The following SUPT3H variants were observed in gnomAD, a reference collection of about 807,000 sequenced individuals.
The protein encoded by SUPT3H is transcription initiation protein SPT3 homolog.
Under a neutral mutation model 44.3 loss-of-function variants are expected in SUPT3H, and 44 were observed. The observed-to-expected ratio is 0.99, with a 90% CI of 0.78 to 1.28. SUPT3H has a LOEUF of 1.28. SUPT3H is among the 50% of genes most tolerant of loss of function. The probability of loss-of-function intolerance (pLI) is 0.00; values close to 1 mark genes in which losing one functional copy is unlikely to be tolerated. For missense variants in SUPT3H, 380 were observed against 387.1 expected (o/e 0.98, Z 0.15); for synonymous variants, 124 against 125.6 (o/e 0.99, Z 0.09).
chr6:45,063,676 A>ACCAAT (rs1792640387), intron 3 of SUPT3H, among the ~76,000 whole-genome samples: 1 of 25,030 alleles, frequency 4.0e-5, no homozygotes, highest in Non-Finnish European at 7.6e-5. Context: ...AAGCCTCAGG[A>ACCAAT]GCTGATGTGA....
chr6:45,377,285 C>G (rs1041113631), intron 1 of SUPT3H: 5 of 152,176 alleles, frequency 3.3e-5, no homozygotes, highest in African/African-American at 1.2e-4. Flanking sequence ...AAATAATTTC[C>G]CCAGGGGTCA....
At chr6:44,860,297 C>G (rs1289505459) in intron 10 of SUPT3H, among the ~76,000 whole-genome samples, 1 of 152,208 alleles carries the variant, frequency 6.6e-6, no homozygotes. Flanking sequence ...TATTCACAAT[C>G]AACTGCTTCA....
At chr6:45,016,887 T>G (rs1270483694) in intron 4 of SUPT3H, among the ~76,000 whole-genome samples, 1 of 151,818 alleles carries the variant, frequency 6.6e-6, no homozygotes, top group African/African-American at 2.4e-5. Context: ...TCAAATGGTA[T>G]TTCTAGTTCT....
intron 9 of SUPT3H, among the ~76,000 whole-genome samples, chr6:44,935,497 C>A (rs188368109): frequency 2.0e-3 from 310 of 152,228 alleles, no homozygotes; most frequent in African/African-American, 6.7e-3. Context: ...AAATATTTGA[C>A]AAAATACTGA....
chr6:45,168,528 A>AC (rs1810280570), intron 2 of SUPT3H, among the ~76,000 whole-genome samples: 1 of 152,188 alleles, frequency 6.6e-6, no homozygotes, highest in Non-Finnish European at 1.5e-5. Flanking sequence ...TACATCCTTA[A>AC]CCCTGGCAAA....
At chr6:44,979,743 C>A (rs551951934) in intron 6 of SUPT3H, among the ~76,000 whole-genome samples, 82 of 152,174 alleles carry the variant, frequency 5.4e-4, no homozygotes, top group African/African-American at 1.8e-3. Context: ...TATGAACTTA[C>A]GAGTTCATTT....
intron 2 of SUPT3H, among the ~76,000 whole-genome samples, chr6:45,204,687 G>A (rs1333537702): frequency 6.6e-6 from 1 of 152,130 alleles, no homozygotes; most frequent in Non-Finnish European, 1.5e-5. Context: ...AAATCTTGAT[G>A]CAGTCCTTCC....
intron 2 of SUPT3H, among the ~76,000 whole-genome samples, chr6:45,262,466 G>T (rs1364687916): frequency 6.6e-6 from 1 of 152,072 alleles, no homozygotes; most frequent in African/African-American, 2.4e-5. Flanking sequence ...ATATGCAGAA[G>T]ATTGAACCTG....
rs79516230 is a variant in SUPT3H, at chr6:44,964,143, A to T, written c.505-2315T>A. ...CTATAGCAGGAACTACTCACGTTTG[A>T]ATTTCTAGCTCCTAGGAAAATATCT... is the stretch of plus-strand genomic sequence containing the variant. On this transcript the variant is annotated intron_variant, in intron 6 of 10. Coordinates refer to ENST00000371459, the MANE Select transcript of SUPT3H (RefSeq NM_003599.4). Among the ~76,000 whole-genome samples, 826 of 152,214 alleles carry T rather than the reference A, an allele frequency of 5.4e-3. 12 individuals carry two copies. Among genetic ancestry groups the T allele is most frequent in the African/African-American group, 0.019 (797 of 41,546 alleles).
At chr6:45,214,354 G>A (rs969764583) in intron 2 of SUPT3H, among the ~76,000 whole-genome samples, 1 of 151,944 alleles carries the variant, frequency 6.6e-6, no homozygotes, top group Non-Finnish European at 1.5e-5. Flanking sequence ...ACTAATGATA[G>A]TAAAAGCTGG....
intron 2 of SUPT3H, among the ~76,000 whole-genome samples, chr6:45,325,029 C>T (rs1786136657): frequency 6.6e-6 from 1 of 151,212 alleles, no homozygotes; most frequent in Admixed American, 6.6e-5. Context: ...AGCTATACAT[C>T]AAATCCAAAA....
intron 2 of SUPT3H, among the ~76,000 whole-genome samples, chr6:45,248,049 A>G (rs1771683847): frequency 6.6e-6 from 1 of 152,168 alleles, no homozygotes; most frequent in Non-Finnish European, 1.5e-5. Flanking sequence ...ATTGACCCAT[A>G]CTTTACAACT....
intron 2 of SUPT3H, among the ~76,000 whole-genome samples, chr6:45,232,708 C>G (rs920977721): frequency 6.6e-6 from 1 of 152,116 alleles, no homozygotes; most frequent in Non-Finnish European, 1.5e-5. Flanking sequence ...CGGTCACCAG[C>G]CAGAGTCCCA....
intron 2 of SUPT3H, among the ~76,000 whole-genome samples, chr6:45,204,916 A>C (rs974839070): frequency 2.6e-5 from 4 of 152,138 alleles, no homozygotes; most frequent in Non-Finnish European, 4.4e-5. Flanking sequence ...GACCCTTCTT[A>C]TTCCTGAAAT....
intron 2 of SUPT3H, among the ~76,000 whole-genome samples, chr6:45,259,528 ATATC>A (rs1562812113): frequency 6.6e-6 from 1 of 152,108 alleles, no homozygotes; most frequent in African/African-American, 2.4e-5. Flanking sequence ...GGTTTACTCT[ATATC>A]TATTTTTGAC....
intron 2 of SUPT3H, among the ~76,000 whole-genome samples, chr6:45,188,135 G>A (rs1478431875): frequency 1.3e-5 from 2 of 152,192 alleles, no homozygotes; most frequent in Non-Finnish European, 1.5e-5. Flanking sequence ...CACAGCGGTT[G>A]TGTTTAAGTC....
chr6:44,944,675 T>C (rs1184785752), intron 9 of SUPT3H, among the ~76,000 whole-genome samples: 1 of 142,276 alleles, frequency 7.0e-6, no homozygotes, highest in Non-Finnish European at 1.5e-5. Flanking sequence ...GGTGGGAGGA[T>C]TGCTTGAGCC....
intron 10 of SUPT3H, among the ~76,000 whole-genome samples, chr6:44,911,017 AAAAGT>A (rs1180765658): frequency 1.3e-5 from 2 of 150,446 alleles, no homozygotes; most frequent in Non-Finnish European, 3.0e-5. Flanking sequence ...AAAAAAAAAA[AAAAGT>A]AGCTTCTTTT....
intron 2 of SUPT3H, among the ~76,000 whole-genome samples, chr6:45,169,281 A>T (rs1810407747): frequency 6.6e-6 from 1 of 152,132 alleles, no homozygotes. Flanking sequence ...AGATTCAACA[A>T]CTCTGCTGCT....
Sources: allele counts gnomAD v4.1 joint callset (sites outside exome capture counted in the v4.1 genomes callset), GRCh38; gene constraint gnomAD v4.1.1; transcripts MANE v1.5; gene names NCBI Gene and HGNC (gene_info 2026-07-23, HGNC 2026-07-21).